Variants in ITIH2 observed in about 807,000 individuals in gnomAD.
ITIH2 encodes inter-alpha-trypsin inhibitor heavy chain H2.
Under a neutral mutation model 104.4 loss-of-function variants are expected in ITIH2, and 103 were observed. The ratio of observed to expected loss-of-function variants is 0.99; its 90% CI spans 0.84 to 1.16. ITIH2 has a LOEUF of 1.16. Ranked by LOEUF, ITIH2 falls within the 50% of genes most tolerant of loss-of-function variation. The probability of loss-of-function intolerance (pLI) is 0.00; values close to 1 mark genes in which losing one functional copy is unlikely to be tolerated. For synonymous variants in ITIH2, 436 were observed against 435.4 expected (o/e 1.00, Z -0.02); for missense variants, 1,108 against 1,162.4 (o/e 0.95, Z 0.68).
intron 1 of ITIH2, among the ~76,000 whole-genome samples, chr10:7,704,799 T>A (rs1264004972): frequency 6.6e-6 from 1 of 152,162 alleles, no homozygotes; most frequent in Non-Finnish European, 1.5e-5. Context: ...GAAATCATCA[T>A]TCTCAGCAAA....
intron 5 of ITIH2, 28 bp downstream of exon 5, chr10:7,713,313 C>G: frequency 5.1e-6 from 8 of 1,554,296 alleles, no homozygotes; most frequent in Non-Finnish European, 7.1e-6. Flanking sequence ...AAGGCTTGCC[C>G]TTGCCTCTCA....
At chr10:7,725,723 G>T (rs1175683715) in intron 9 of ITIH2, among the ~76,000 whole-genome samples, 2 of 152,164 alleles carry the variant, frequency 1.3e-5, no homozygotes. Context: ...AAGTACCCAC[G>T]TTGGCCATGG....
At chr10:7,728,712 T>G (rs1834973473) in intron 11 of ITIH2, among the ~76,000 whole-genome samples, 1 of 152,144 alleles carries the variant, frequency 6.6e-6, no homozygotes, top group African/African-American at 2.4e-5. Context: ...GTTTTACTTG[T>G]GTCTTTATTC....
chr10:7,729,657 G>A (rs1018307559), intron 11 of ITIH2, among the ~76,000 whole-genome samples: 3 of 151,842 alleles, frequency 2.0e-5, no homozygotes, highest in Admixed American at 6.6e-5. Context: ...TAGCTGCATA[G>A]TATCTCACGG....
chr10:7,731,798 C>G lies in ITIH2; in HGVS notation c.1462-13C>G. ...AGGAACATAATTTCTCTCTCTCTCT[C>G]TGTGAATTGTAGAAATTCTACAACC... On this transcript the variant is annotated splice_polypyrimidine_tract_variant and intron_variant, in intron 12 of 20. Transcript: ENST00000358415. 6.4e-7 allele frequency: 1 copy of G among 1,564,172 alleles called. No homozygotes were observed. Among genetic ancestry groups the G allele is most frequent in the Non-Finnish European group, 8.7e-7 (1 of 1,146,660 alleles).
In ITIH2 at chr10:7,732,463, A is replaced by G. The variant is rs147419433; in HGVS notation, c.1773A>G (p.Gln591=). 2.5e-6 allele frequency: 4 copies of G among 1,613,410 alleles called. No individual in the cohort carries two copies. Among genetic ancestry groups the G allele is most frequent in the Non-Finnish European group, 3.4e-6 (4 of 1,179,604 alleles). The part of the protein sequence containing the change: ...RKLWAYLTIN[Q]LLAERSLAPT... ...TGTGGGCCTATCTAACCATCAACCA[A>G]CTGCTAGCTGAACGGTAAGAAGAGA... The change falls in exon 14 of 21, where the codon CAA becomes CAG. Residue 591 remains glutamine (Q), a synonymous_variant. Transcript: ENST00000358415.
chr10:7,748,247 C>CATATAT (rs71385668), intron 20 of ITIH2, among the ~76,000 whole-genome samples: 1,514 of 143,036 alleles, frequency 0.011, 26 homozygotes, highest in African/African-American at 0.037. Flanking sequence ...TATATGTATA[C>CATATAT]ATATATATAT....
intron 15 of ITIH2, among the ~76,000 whole-genome samples, chr10:7,737,699 A>ATATT (rs1564305704): frequency 2.7e-4 from 4 of 14,620 alleles, no homozygotes; most frequent in African/African-American, 1.4e-3. Context: ...TATTCTATAT[A>ATATT]ATATTCTATA....
At chr10:7,708,073 G>A (rs1466357067) in intron 3 of ITIH2, among the ~76,000 whole-genome samples, 1 of 152,246 alleles carries the variant, frequency 6.6e-6, no homozygotes, top group African/African-American at 2.4e-5. Context: ...ACTTCAGGGG[G>A]AGGAAGGACA....
intron 6 of ITIH2, among the ~76,000 whole-genome samples, chr10:7,720,260 A>G (rs962468004): frequency 4.6e-5 from 7 of 152,202 alleles, no homozygotes; most frequent in African/African-American, 1.7e-4. Context: ...CATGTAACCA[A>G]ACTGCATTTG....
At chr10:7,706,600 T>A (rs1834749567) in intron 2 of ITIH2, among the ~76,000 whole-genome samples, 2 of 152,102 alleles carry the variant, frequency 1.3e-5, no homozygotes, top group South Asian at 4.1e-4. Context: ...AGTCAAATAA[T>A]CCCTCAAATA....
At chr10:7,744,020 G>C in intron 17 of ITIH2, 62 bp from the exon 18 acceptor site, 1 of 1,243,000 alleles carries the variant, frequency 8.0e-7, no homozygotes, top group Non-Finnish European at 1.1e-6. Flanking sequence ...TTGAATTATA[G>C]TACCCACACA....
intron 5 of ITIH2, among the ~76,000 whole-genome samples, chr10:7,714,163 C>CTCTTT (rs1564298974): frequency 2.4e-5 from 3 of 125,644 alleles, no homozygotes; most frequent in Admixed American, 7.8e-5. Flanking sequence ...TGCACACTCA[C>CTCTTT]TATTTTTTTT....
Position 7,720,922 on chromosome 10 carries a change from C to A in ITIH2, c.697C>A (p.His233Asn), listed in dbSNP as rs144245510. 22 of 1,613,708 alleles carry A rather than the reference C, an allele frequency of 1.4e-5. No individual in the cohort carries two copies. In the African/African-American group the frequency reaches 2.8e-4, roughly 21 times the overall value. ...FLHVPDTFEG[H>N]FDGVPVISKG... ...TCATGTTCCCGACACATTTGAAGGC[C>A]ATTTCGATGGTGTTCCGGTCATTTC... The change falls in exon 7 of 21, where the codon CAT becomes AAT. Residue 233 changes from histidine to asparagine, a missense_variant. His to Asn is a moderately conservative substitution (Grantham distance 68, BLOSUM62 1). Transcript: ENST00000358415.
In ITIH2 at chr10:7,723,482, C is replaced by T. The variant is rs1236331216; in HGVS notation, c.899C>T (p.Ala300Val). 6.2e-7 allele frequency: 1 copy of T among 1,613,328 alleles called. No homozygotes were observed. ...AATGGATATTTTGTCCACTTCTTTG[C>T]TCCTGACAACCTGGACCCAATTCCC... ...VFNGYFVHFFAPDNLDPIPKN... is the reference protein window; with the variant it reads ...VFNGYFVHFFVPDNLDPIPKN... Residue 300 changes from alanine to valine, a missense_variant, in exon 9 of 21, where the codon GCT (alanine) becomes GTT (valine). By Grantham distance (64) the Ala-to-Val change is moderately conservative. Transcript: ENST00000358415.
chr10:7,722,024 C>T (rs574864085), intron 8 of ITIH2, among the ~76,000 whole-genome samples: 111 of 152,146 alleles, frequency 7.3e-4, no homozygotes, highest in Admixed American at 1.4e-3. Context: ...ATGTGAAGAA[C>T]AAAGGAATAA....
Position 7,713,334 on chromosome 10 carries a change from C to G in ITIH2, c.467+49C>G. 2.8e-6 allele frequency: 4 copies of G among 1,421,718 alleles called. No individual in the cohort carries two copies. The South Asian group carries it at 4.7e-5, about 17-fold the overall frequency. The allele number at this position is 1,421,718 out of a possible 1,614,324, so 88.1% of individuals were successfully genotyped here. ...TGCCCTTGCCTCTCAATGACGGTTTCCTCTCCTACTTCCTTCCCACAGCAG... is the reference window on the plus strand; with the variant it reads ...TGCCCTTGCCTCTCAATGACGGTTTGCTCTCCTACTTCCTTCCCACAGCAG... On this transcript the variant is annotated intron_variant, in intron 5 of 20. Coordinates refer to ENST00000358415, the MANE Select transcript of ITIH2 (RefSeq NM_002216.3).
intron 4 of ITIH2, among the ~76,000 whole-genome samples, chr10:7,709,956 C>T (rs1170656738): frequency 2.0e-5 from 3 of 152,146 alleles, no homozygotes; most frequent in African/African-American, 7.2e-5. Context: ...CGGGTTCACA[C>T]CATTCTCCTG....
In ITIH2 at chr10:7,715,039, T is replaced by C. The variant is rs185178551; in HGVS notation, c.467+1754T>C. Among the ~76,000 whole-genome samples, 41 of 152,258 alleles carry C rather than the reference T, an allele frequency of 2.7e-4. No homozygotes were observed. The East Asian group carries it at 6.6e-3, about 24-fold the overall frequency. ...TACAGAGCACCAACTGTAGTAAAAT[T>C]CAGCCAGGTAGAGAATGGAGAGAAG... On this transcript the variant is annotated intron_variant, in intron 5 of 20. Coordinates refer to ENST00000358415, the MANE Select transcript of ITIH2 (RefSeq NM_002216.3).
Sources: allele counts gnomAD v4.1 joint callset (sites outside exome capture counted in the v4.1 genomes callset), GRCh38; gene constraint gnomAD v4.1.1; transcripts MANE v1.5; gene names NCBI Gene and HGNC (gene_info 2026-07-23, HGNC 2026-07-21).